NECAB3: variants seen among roughly 807,000 people sequenced by gnomAD.
NECAB3 encodes N-terminal EF-hand calcium-binding protein 3.
In NECAB3, 38 loss-of-function variants were observed where a neutral mutation model predicts 57.2. The observed-to-expected ratio is 0.66, with a 90% CI of 0.51 to 0.87. The LOEUF is 0.87. Among genes scored for constraint, NECAB3 ranks in the 40% least tolerant of loss-of-function variants. NECAB3 has a pLI of 0.00. For synonymous variants in NECAB3, 223 were observed against 222.6 expected (o/e 1.00, Z -0.02); for missense variants, 474 against 527.5 (o/e 0.90, Z 0.99).
In NECAB3 at chr20:33,672,415, C is replaced by T. The variant is rs201270866; in HGVS notation, c.137G>A (p.Arg46His). Reference sequence around the variant, plus strand: ...ACACTCACCATTCTTGTCTGCTCTGCGGAAAACCTAGAGGACAAAGGGACA... The same window carrying T: ...ACACTCACCATTCTTGTCTGCTCTGTGGAAAACCTAGAGGACAAAGGGACA... ...AGHTLFQDVF[R>H]RADKNDDGKL... is the part of the protein sequence containing the mutation. The change falls in exon 2 of 12, where the codon CGC becomes CAC. Residue 46 changes from arginine (R) to histidine (H), a missense_variant. By Grantham distance (29) the Arg-to-His change is conservative. Transcript: ENST00000246190. 172 of 1,614,036 alleles carry T rather than the reference C, an allele frequency of 1.1e-4. No individual in the cohort carries two copies. The highest frequency in any genetic ancestry group is 1.4e-4 in the Non-Finnish European group (165 of 1,180,020).
At chr20:33,670,541 C>T (rs975662479) in intron 3 of NECAB3, 143 bp downstream of exon 3, 16 of 564,356 alleles carry the variant, frequency 2.8e-5, no homozygotes, top group Middle Eastern at 5.9e-4. Flanking sequence ...GGTAGGCAGG[C>T]GGGTAAAGTT....
chr20:33,663,829 C>G, intron 5 of NECAB3: 1 of 1,413,864 alleles, frequency 7.1e-7, no homozygotes, highest in Non-Finnish European at 9.1e-7. Flanking sequence ...CGAGGAGCAG[C>G]CGCGCAAACG....
At position 33,659,971 on chromosome 20, in the gene NECAB3, C is replaced by A; in HGVS notation, c.557G>T (p.Arg186Met). Reference protein sequence around the residue: ...SDAESVEAQSRLCGSRRAGRR... With the variant: ...SDAESVEAQSMLCGSRRAGRR... ...TCCTGCCCGCCGGCTGCCGCAGAGCCTGCTCTGCGCCTCCACGCTCTCTGC... is the reference window on the plus strand; with the variant it reads ...TCCTGCCCGCCGGCTGCCGCAGAGCATGCTCTGCGCCTCCACGCTCTCTGC... Residue 186 changes from arginine (R) to methionine (M), a missense_variant, in exon 7 of 12, where the codon AGG (arginine) becomes ATG (methionine). Transcript: ENST00000246190. 1 of 1,565,078 alleles carries A rather than the reference C, an allele frequency of 6.4e-7. No individual in the cohort carries two copies.
At chr20:33,671,303 G>C (rs2017823141) in intron 2 of NECAB3, among the ~76,000 whole-genome samples, 1 of 152,134 alleles carries the variant, frequency 6.6e-6, no homozygotes, top group African/African-American at 2.4e-5. Flanking sequence ...CCCATCACAG[G>C]GGCATGTAAG....
chr20:33,664,030 T>A, intron 5 of NECAB3: 1 of 590,476 alleles, frequency 1.7e-6, no homozygotes, highest in Non-Finnish European at 2.7e-6. Context: ...CGCCACGGTC[T>A]GGAGCCAGGG....
intron 8 of NECAB3, 90 bp downstream of exon 8, chr20:33,659,407 G>A: frequency 8.4e-7 from 1 of 1,195,234 alleles, no homozygotes; most frequent in Non-Finnish European, 1.1e-6. Flanking sequence ...GCACTGCAGA[G>A]GGTTGGTGGG....
intron 5 of NECAB3, chr20:33,664,677 T>C (rs952217862): frequency 6.6e-6 from 1 of 152,308 alleles, no homozygotes; most frequent in Non-Finnish European, 1.5e-5. Flanking sequence ...CCACACTTTC[T>C]GTGGGCGGGA....
Position 33,660,169 on chromosome 20 carries a change from C to A in NECAB3, c.524+90G>T. The A allele has an allele frequency of 6.4e-7, 1 of 1,557,704 alleles. No individual in the cohort carries two copies. On this transcript the variant is annotated intron_variant, in intron 6 of 11. Coordinates refer to ENST00000246190, the MANE Select transcript of NECAB3 (RefSeq NM_031232.4). The surrounding 1 kb of genome is among the most constrained non-coding windows in gnomAD (Gnocchi z 4.1). The stretch of plus-strand genomic sequence containing the variant: ...TGGCTTCCCCGCCCGAAAATGCAGG[C>A]TCCAGGATGCTGGGACTGTGGGGAT...
chr20:33,663,531 G>A, intron 5 of NECAB3: 1 of 1,608,976 alleles, frequency 6.2e-7, no homozygotes, highest in Non-Finnish European at 8.5e-7. Flanking sequence ...TCCACCCCCA[G>A]ACCAGGATCG....
chr20:33,672,604 C>A (rs1568904048), intron 1 of NECAB3, among the ~76,000 whole-genome samples, 182 bp from the exon 2 acceptor site: 1 of 152,222 alleles, frequency 6.6e-6, no homozygotes, highest in Non-Finnish European at 1.5e-5. Context: ...GCAAGCGGGG[C>A]ACAGGAAGAG....
In NECAB3 at chr20:33,674,363, C is replaced by T; in HGVS notation, c.-11G>A. The T allele has an allele frequency of 2.5e-6, 3 of 1,176,806 alleles. No individual in the cohort carries two copies. Among genetic ancestry groups the T allele is most frequent in the Non-Finnish European group, 3.1e-6 (3 of 952,546 alleles). 72.9% of individuals were successfully genotyped at this position (1,176,806 alleles called of 1,614,324 possible). A position where few individuals can be genotyped will look rare whatever the true frequency, so the allele number is the denominator to read the frequency against. On this transcript the variant is annotated 5_prime_UTR_variant, in exon 1 of 12. The change creates a new upstream start codon in the 5' untranslated region. Transcript: ENST00000246190. ...CCCCGCGCACGCCATGGCGCCGCCA[C>T]CCGCTCGGGCTCGGCTGCGGTTGCT...
Position 33,668,414 on chromosome 20 carries a change from G to T in NECAB3, c.387+961C>A, listed in dbSNP as rs1306345569. ...ACCCATGGGACCCTCATTTTGAACT[G>T]CAGTTTGAATCTCCCCAACCACTGC... On this transcript the variant is annotated intron_variant, in intron 5 of 11. Transcript: ENST00000246190. The T allele has an allele frequency of 4.8e-6, 4 of 836,674 alleles. No individual in the cohort carries two copies. In the East Asian group the frequency reaches 1.2e-4, roughly 25 times the overall value. The allele number at this position is 836,674 out of a possible 1,614,324, so 51.8% of individuals were successfully genotyped here.
At chr20:33,664,917 T>C (rs907965753) in intron 5 of NECAB3, 5 of 152,240 alleles carry the variant, frequency 3.3e-5, no homozygotes, top group African/African-American at 1.2e-4. Flanking sequence ...AGGATGAACA[T>C]CTCCTCCACC....
At chr20:33,662,151 T>C (rs2017495887) in intron 5 of NECAB3, 1 of 647,450 alleles carries the variant, frequency 1.5e-6, no homozygotes, top group Non-Finnish European at 2.6e-6. Flanking sequence ...TTATGATCAT[T>C]AGCCCAGTTT....
At chr20:33,658,116 A>C in intron 10 of NECAB3, 83 bp from the exon 11 acceptor site, 1 of 1,254,348 alleles carries the variant, frequency 8.0e-7, no homozygotes, top group Non-Finnish European at 1.1e-6. Context: ...GGCCCTTCTC[A>C]CACTGCCTCT....
intron 9 of NECAB3, 41 bp downstream of exon 9, chr20:33,658,681 C>A: frequency 6.2e-7 from 1 of 1,603,650 alleles, no homozygotes; most frequent in South Asian, 1.1e-5. Context: ...TCTGCTCACC[C>A]CCTCCCCACT....
rs1039669529 is a variant in NECAB3, at chr20:33,667,987, G to A, written c.387+1388C>T. 1.3e-6 allele frequency: 2 copies of A among 1,547,314 alleles called. No individual in the cohort carries two copies. Among genetic ancestry groups the A allele is most frequent in the Non-Finnish European group, 1.7e-6 (2 of 1,145,524 alleles). On this transcript the variant is annotated intron_variant, in intron 5 of 11. Transcript: ENST00000246190. ...GCGGACACGCCTGGCAGACACCGTG[G>A]TGCTAGCCGGCGGCTCCACACTGTT...
chr20:33,666,057 C>A (rs1421014585), intron 5 of NECAB3, among the ~76,000 whole-genome samples: 3 of 152,150 alleles, frequency 2.0e-5, no homozygotes, highest in Admixed American at 2.0e-4. Context: ...CACGCCCAGC[C>A]TGGGTGACCG....
At chr20:33,672,559 C>G (rs1192178662) in intron 1 of NECAB3, 137 bp from the exon 2 acceptor site, 2 of 978,550 alleles carry the variant, frequency 2.0e-6, no homozygotes, top group Non-Finnish European at 3.2e-6. Flanking sequence ...GGTCCCAAAC[C>G]ACCTGCCCAG....
Sources: gnomAD v4.1 joint callset for allele counts (sites outside exome capture counted in the v4.1 genomes callset) on GRCh38, gnomAD v4.1.1 for gene constraint, Gnocchi (gnomAD v3.1) non-coding constraint, MANE v1.5 for transcripts, NCBI Gene and HGNC (gene_info 2026-07-23, HGNC 2026-07-21) for gene names.